Variants in STK3 observed in about 807,000 individuals in gnomAD.
STK3 encodes serine/threonine kinase 3, also known as serine/threonine-protein kinase 3.
In STK3, 41 loss-of-function variants were observed where a neutral mutation model predicts 58.0. The ratio of observed to expected loss-of-function variants is 0.71; its 90% CI spans 0.55 to 0.92. STK3 has a LOEUF of 0.92. Among genes scored for constraint, STK3 ranks in the 40% least tolerant of loss-of-function variants. The probability of loss-of-function intolerance (pLI) is 0.00; values close to 1 mark genes in which losing one functional copy is unlikely to be tolerated. For missense variants in STK3, 479 were observed against 602.7 expected, an observed-to-expected ratio of 0.79 and a Z score of 2.15; for synonymous variants, 170 against 191.0, an observed-to-expected ratio of 0.89 and a Z score of 0.91.
intron 6 of STK3, among the ~76,000 whole-genome samples, chr8:98,693,191 G>C (rs1022699993): frequency 6.6e-6 from 1 of 152,086 alleles, no homozygotes; most frequent in Admixed American, 6.6e-5. Flanking sequence ...AAGCTCAGGA[G>C]TTCGAGACCA....
chr8:98,584,854 G>A (rs1814341530), intron 7 of STK3, among the ~76,000 whole-genome samples: 2 of 151,174 alleles, frequency 1.3e-5, no homozygotes, highest in South Asian at 4.2e-4. Context: ...GGCCAGTGAT[G>A]ATGAGCATTT....
intron 6 of STK3, among the ~76,000 whole-genome samples, chr8:98,653,820 C>A (rs1243255817): frequency 1.8e-4 from 27 of 149,652 alleles, no homozygotes; most frequent in East Asian, 5.9e-4. Flanking sequence ...ATAACAGGCT[C>A]TGAAATTGAG....
chr8:98,622,465 A>G (rs1236949154), intron 6 of STK3, among the ~76,000 whole-genome samples: 3 of 152,204 alleles, frequency 2.0e-5, no homozygotes, highest in Non-Finnish European at 4.4e-5. Flanking sequence ...AAGCAATCTA[A>G]AAGTAACAAA....
intron 6 of STK3, among the ~76,000 whole-genome samples, chr8:98,680,671 C>A (rs998510894): frequency 7.9e-5 from 12 of 152,098 alleles, no homozygotes; most frequent in African/African-American, 2.9e-4. Context: ...ACGATAAAGG[C>A]TGAAAGTAAA....
At chr8:98,850,262 C>G (rs1427375878) in intron 3 of STK3, among the ~76,000 whole-genome samples, 1 of 152,154 alleles carries the variant, frequency 6.6e-6, no homozygotes, top group Admixed American at 6.5e-5. Context: ...CAGCTTTGAA[C>G]TCCTGGACTC....
At chr8:98,698,723 T>C (rs1480282901) in intron 6 of STK3, among the ~76,000 whole-genome samples, 1 of 152,234 alleles carries the variant, frequency 6.6e-6, no homozygotes, top group African/African-American at 2.4e-5. Flanking sequence ...GAGTTTCTGC[T>C]GAGAGATCAG....
At chr8:98,360,507 A>G in the STK3 span, among the ~76,000 whole-genome samples, 5 of 147,920 alleles carry the variant, frequency 3.4e-5, no homozygotes, top group Admixed American at 3.4e-4. Flanking sequence ...TTTTGAGCCA[A>G]TTTCTTTCTT....
At chr8:98,841,669 G>C (rs1778967112) in intron 3 of STK3, among the ~76,000 whole-genome samples, 1 of 77,242 alleles carries the variant, frequency 1.3e-5, no homozygotes, top group Non-Finnish European at 2.6e-5. Context: ...GCAAAAAAGA[G>C]AGACCTGGTC....
At chr8:98,811,986 T>C (rs1021458055) in intron 1 of STK3, among the ~76,000 whole-genome samples, 1 of 152,112 alleles carries the variant, frequency 6.6e-6, no homozygotes, top group Non-Finnish European at 1.5e-5. Flanking sequence ...ATTTTTGTAT[T>C]TGTAGTAGAG....
At chr8:98,906,732 A>G (rs1838917877) in intron 1 of STK3, among the ~76,000 whole-genome samples, 1 of 152,218 alleles carries the variant, frequency 6.6e-6, no homozygotes, top group Admixed American at 6.5e-5. Flanking sequence ...TTTTAAAGGC[A>G]TGTTTCATGT....
At chr8:98,615,028 A>C (rs1380271887) in intron 6 of STK3, among the ~76,000 whole-genome samples, 1 of 152,120 alleles carries the variant, frequency 6.6e-6, no homozygotes, top group Non-Finnish European at 1.5e-5. Context: ...AAACAAAAAG[A>C]CAGCAGTAAC....
At chr8:98,627,658 C>T (rs528844298) in intron 6 of STK3, among the ~76,000 whole-genome samples, 5 of 152,036 alleles carry the variant, frequency 3.3e-5, no homozygotes, top group Non-Finnish European at 7.4e-5. Context: ...TGGCATCATG[C>T]TTGTATGACC....
downstream of STK3, among the ~76,000 whole-genome samples, chr8:98,367,109 T>G (rs1466289204): frequency 6.6e-6 from 1 of 152,226 alleles, no homozygotes; most frequent in Non-Finnish European, 1.5e-5. Flanking sequence ...AATCTGTCCA[T>G]CTGTAAAATG....
At chr8:98,587,887 TAA>T (rs1490971626) in intron 7 of STK3, among the ~76,000 whole-genome samples, 1 of 152,134 alleles carries the variant, frequency 6.6e-6, no homozygotes, top group African/African-American at 2.4e-5. Flanking sequence ...TTTGTTGGTT[TAA>T]AGTCTGTTTT....
chr8:98,775,618 A>G (rs1831629622), intron 1 of STK3, among the ~76,000 whole-genome samples: 1 of 152,220 alleles, frequency 6.6e-6, no homozygotes, highest in Admixed American at 6.5e-5. Flanking sequence ...CTCTAGCCAA[A>G]AAGTCAAGCT....
intron 1 of STK3, among the ~76,000 whole-genome samples, chr8:98,898,184 C>G (rs1017887418): frequency 6.6e-6 from 1 of 152,216 alleles, no homozygotes; most frequent in African/African-American, 2.4e-5. Context: ...CTGGACTTCC[C>G]AGTCATGGCC....
At chr8:98,436,629 G>T (rs997472515) in intron 2 of STK3, 4 of 152,190 alleles carry the variant, frequency 2.6e-5, no homozygotes, top group Non-Finnish European at 5.9e-5. Flanking sequence ...AAATCCAAAG[G>T]GCATTGCGCA....
At chr8:98,456,617 T>TTTCTTC in intron 10 of STK3, among the ~76,000 whole-genome samples, 1 of 152,200 alleles carries the variant, frequency 6.6e-6, no homozygotes, top group Admixed American at 6.6e-5. Context: ...TTGGTTTTCT[T>TTTCTTC]TTCTTCTTCT....
chr8:98,670,084 G>C (rs950133137), intron 6 of STK3, among the ~76,000 whole-genome samples: 1 of 152,056 alleles, frequency 6.6e-6, no homozygotes, highest in African/African-American at 2.4e-5. Flanking sequence ...AAAATGAATA[G>C]AGGCCAGGTG....
Sources: gnomAD v4.1 joint callset for allele counts (sites outside exome capture counted in the v4.1 genomes callset) on GRCh38, gnomAD v4.1.1 for gene constraint, MANE v1.5 for transcripts, NCBI Gene and HGNC (gene_info 2026-07-23, HGNC 2026-07-21) for gene names.